The following CACNA2D2 variants were observed in gnomAD, a reference collection of about 807,000 sequenced individuals.
CACNA2D2 encodes voltage-dependent calcium channel subunit alpha-2/delta-2.
A neutral mutation model predicts 166.4 loss-of-function variants in CACNA2D2; 48 were observed. The observed-to-expected ratio is 0.29, with a 90% CI of 0.23 to 0.37. CACNA2D2 has a LOEUF of 0.37. CACNA2D2 is among the 10% of genes least tolerant of loss of function. The pLI is 1.00. For missense variants in CACNA2D2, 1,122 were observed against 1,433.0 expected, an observed-to-expected ratio of 0.78 and a Z score of 3.50; for synonymous variants, 561 against 573.7, an observed-to-expected ratio of 0.98 and a Z score of 0.32.
intron 1 of CACNA2D2, among the ~76,000 whole-genome samples, chr3:50,490,713 T>A (rs957205321): frequency 6.6e-6 from 1 of 152,158 alleles, no homozygotes; most frequent in Non-Finnish European, 1.5e-5. Flanking sequence ...GTTCAGCACA[T>A]ATGGATTGAG....
chr3:50,458,781 T>C (rs1345255821), intron 2 of CACNA2D2, among the ~76,000 whole-genome samples: 1 of 152,242 alleles, frequency 6.6e-6, no homozygotes, highest in African/African-American at 2.4e-5. Flanking sequence ...TACCAGGCCC[T>C]GGCAGGCCCA....
chr3:50,381,247 G>C, intron 6 of CACNA2D2, 121 bp from the exon 7 acceptor site: 1 of 1,193,284 alleles, frequency 8.4e-7, no homozygotes, highest in Admixed American at 1.9e-5. Context: ...GGCCTATCCA[G>C]GCCCTCCCTA....
chr3:50,396,624 G>A (rs1470293073), intron 3 of CACNA2D2, among the ~76,000 whole-genome samples: 1 of 152,120 alleles, frequency 6.6e-6, no homozygotes, highest in Non-Finnish European at 1.5e-5. Flanking sequence ...TGACTTGTAC[G>A]GTTCGCAATG....
chr3:50,423,604 T>C (rs1057403457), intron 3 of CACNA2D2, among the ~76,000 whole-genome samples: 1 of 152,238 alleles, frequency 6.6e-6, no homozygotes, highest in East Asian at 1.9e-4. Context: ...CCTAGGCATC[T>C]GGGAGGCTGA....
chr3:50,384,487 G>T, intron 5 of CACNA2D2, 150 bp from the exon 6 acceptor site: 1 of 940,272 alleles, frequency 1.1e-6, no homozygotes. Context: ...CACAGATGGA[G>T]AGACTCAGGG....
chr3:50,490,109 G>T (rs906050735), intron 1 of CACNA2D2, among the ~76,000 whole-genome samples: 8 of 152,270 alleles, frequency 5.3e-5, no homozygotes, highest in Admixed American at 4.6e-4. Context: ...GATGGGGCAT[G>T]GGCAAATGTC....
At chr3:50,378,549 G>A (rs1181967791) in intron 13 of CACNA2D2, among the ~76,000 whole-genome samples, 1 of 152,264 alleles carries the variant, frequency 6.6e-6, no homozygotes, top group African/African-American at 2.4e-5. Flanking sequence ...CAGAGCAGGG[G>A]GCAGAGATGG....
chr3:50,383,722 G>A (rs1705444051), intron 6 of CACNA2D2, among the ~76,000 whole-genome samples: 1 of 152,160 alleles, frequency 6.6e-6, no homozygotes, highest in Admixed American at 6.5e-5. Context: ...GAGAAGGAGG[G>A]TAGTGTCATA....
intron 23 of CACNA2D2, 78 bp downstream of exon 23, chr3:50,370,242 C>T: frequency 1.0e-6 from 1 of 972,552 alleles, no homozygotes; most frequent in Non-Finnish European, 1.6e-6. Context: ...ACACAGAGCT[C>T]CAGGCAGCAG....
Position 50,381,076 on chromosome 3 carries a change from A to G in CACNA2D2, c.703T>C (p.Phe235Leu), listed in dbSNP as rs1374649201. ...LNWTEALENV[F>L]MENRRQDPTL... ...GGGTCTTGTCTGCGGTTTTCCATGAACACATTCTCCAGGGCCTCTGTCCAG... is the reference window on the plus strand; with the variant it reads ...GGGTCTTGTCTGCGGTTTTCCATGAGCACATTCTCCAGGGCCTCTGTCCAG... The change falls in exon 7 of 38, where the codon TTC becomes CTC. Residue 235 changes from phenylalanine to leucine, a missense_variant. Around this residue, in one of 2 missense-constraint regions of CACNA2D2, gnomAD observed 840 missense variants for 1,166.8 expected, o/e 0.72. Coordinates refer to ENST00000424201, the MANE Select transcript of CACNA2D2 (RefSeq NM_006030.4). The G allele has an allele frequency of 6.2e-7, 1 of 1,613,544 alleles. No individual in the cohort carries two copies. The highest frequency in any genetic ancestry group is 8.5e-7 in the Non-Finnish European group (1 of 1,179,876).
intron 3 of CACNA2D2, among the ~76,000 whole-genome samples, chr3:50,397,921 A>C (rs1706240324): frequency 6.6e-6 from 1 of 152,042 alleles, no homozygotes; most frequent in Non-Finnish European, 1.5e-5. Context: ...GAGCACCCAG[A>C]CCTTGGGCTC....
Position 50,463,474 on chromosome 3 carries a change from T to C in CACNA2D2, c.288+12644A>G, listed in dbSNP as rs148149330. On this transcript the variant is annotated intron_variant, in intron 2 of 37. Transcript: ENST00000424201. ...CCACCACGCCCAGCTGATTTTTGTA[T>C]GTTTTGTAGAGACAGGTTTTGCCAT... Among the ~76,000 whole-genome samples the C allele has an allele frequency of 8.9e-4, 136 of 152,276 alleles. 1 individual carries two copies. Among genetic ancestry groups the C allele is most frequent in the Non-Finnish European group, 1.7e-3 (119 of 68,014 alleles).
chr3:50,370,870 TTCTC>T (rs1052445535), intron 22 of CACNA2D2, among the ~76,000 whole-genome samples: 16 of 152,216 alleles, frequency 1.1e-4, no homozygotes, highest in Admixed American at 2.6e-4. Flanking sequence ...CTGCGGATTT[TTCTC>T]TCTCTTTCTT....
Position 50,376,865 on chromosome 3 carries a change from A to G in CACNA2D2, c.1626+602T>C, listed in dbSNP as rs1705024758. On this transcript the variant is annotated intron_variant, in intron 17 of 37. Coordinates refer to ENST00000424201, the MANE Select transcript of CACNA2D2 (RefSeq NM_006030.4). The surrounding 1 kb of genome is among the most constrained non-coding windows in gnomAD (Gnocchi z 4.3). ...GACCGCAGGCGCTGGGCCAGCCACA[A>G]TGCCATCTTGCCCCTACCCTGGTTT... 6.6e-6 allele frequency among the ~76,000 whole-genome samples: 1 copy of G among 152,166 alleles called. No homozygotes were observed. Among genetic ancestry groups the G allele is most frequent in the Admixed American group, 6.5e-5 (1 of 15,272 alleles).
intron 2 of CACNA2D2, among the ~76,000 whole-genome samples, chr3:50,447,365 T>A (rs909262618): frequency 3.3e-5 from 5 of 152,140 alleles, no homozygotes; most frequent in African/African-American, 1.2e-4. Context: ...GGCTTCCACA[T>A]CGTCTGTCGG....
intron 2 of CACNA2D2, among the ~76,000 whole-genome samples, chr3:50,466,415 G>A (rs1709832096): frequency 6.6e-6 from 1 of 152,272 alleles, no homozygotes; most frequent in African/African-American, 2.4e-5. Context: ...CTACCCTAAT[G>A]TGTGCCCGCT....
chr3:50,424,735 A>G (rs1707726370), intron 3 of CACNA2D2, among the ~76,000 whole-genome samples: 1 of 152,202 alleles, frequency 6.6e-6, no homozygotes, highest in Non-Finnish European at 1.5e-5. Context: ...AGCTGAAGCA[A>G]CGGAACCTGA....
At chr3:50,370,409 G>T in intron 22 of CACNA2D2, 29 bp from the exon 23 acceptor site, 3 of 1,456,676 alleles carry the variant, frequency 2.1e-6, no homozygotes, top group Non-Finnish European at 1.9e-6. Context: ...GTTATCCGGC[G>T]GGGGCTGGGG....
chr3:50,444,011 C>G (rs1379636019), intron 2 of CACNA2D2, among the ~76,000 whole-genome samples: 1 of 152,198 alleles, frequency 6.6e-6, no homozygotes, highest in Non-Finnish European at 1.5e-5. Flanking sequence ...GAAATTCACC[C>G]CCATAAGTAC....
Sources: allele counts gnomAD v4.1 joint callset (sites outside exome capture counted in the v4.1 genomes callset), GRCh38; gene constraint gnomAD v4.1.1; regional missense constraint gnomAD v4.1.1; non-coding constraint Gnocchi (gnomAD v3.1); transcripts MANE v1.5; gene names NCBI Gene and HGNC (gene_info 2026-07-23, HGNC 2026-07-21).